Variants in SVOP observed in about 807,000 individuals in gnomAD.
SVOP encodes the protein synaptic vesicle 2-related protein.
Under a neutral mutation model 69.1 loss-of-function variants are expected in SVOP, and 17 were observed. The ratio of observed to expected loss-of-function variants is 0.25; its 90% CI spans 0.17 to 0.37. The LOEUF is 0.37. SVOP is among the 10% of genes least tolerant of loss of function. The pLI is 1.00. For missense variants in SVOP, 435 were observed against 597.5 expected (o/e 0.73, Z 2.84); for synonymous variants, 238 against 238.6 (o/e 1.00, Z 0.02).
chr12:108,966,321 T>C (rs2137426340), intron 5 of SVOP, among the ~76,000 whole-genome samples: 1 of 152,334 alleles, frequency 6.6e-6, no homozygotes, highest in South Asian at 2.1e-4. Context: ...TTTATCTCCA[T>C]GTCTTCAAGA....
Position 108,977,353 on chromosome 12 carries a change from G to GGAGCA in SVOP, c.381+40_381+44dup, listed in dbSNP as rs1450025589. 3 of 1,530,734 alleles carry GGAGCA rather than the reference G, an allele frequency of 2.0e-6. No homozygotes were observed. In the African/African-American group the frequency reaches 4.1e-5, roughly 21 times the overall value. The allele number at this position is 1,530,734 out of a possible 1,614,324, so 94.8% of individuals were successfully genotyped here. On this transcript the variant is annotated intron_variant, in intron 4 of 15. Transcript: ENST00000610966. Reference sequence around the variant, plus strand: ...GAGATATCCCACAGGACACCCCAGGGGAGCAGAACTGTATGCAACAGAAGG... The same window carrying GGAGCA: ...GAGATATCCCACAGGACACCCCAGGGGAGCAGAGCAGAACTGTATGCAACAGAAGG...
At chr12:108,982,110 AACC>A (rs1213447883) in intron 2 of SVOP, among the ~76,000 whole-genome samples, 5 of 145,518 alleles carry the variant, frequency 3.4e-5, no homozygotes, top group African/African-American at 1.3e-4. Context: ...TCACCATCGT[AACC>A]ACCATCTTCA....
At chr12:108,987,891 C>G (rs1216340318) in intron 1 of SVOP, among the ~76,000 whole-genome samples, 1 of 150,508 alleles carries the variant, frequency 6.6e-6, no homozygotes, top group East Asian at 2.0e-4. Flanking sequence ...CCTTTTTACT[C>G]TATTGATTGT....
At position 108,912,505 on chromosome 12, in the gene SVOP, T is replaced by G. The variant is rs1186356333; in HGVS notation, c.*30A>C. On this transcript the variant is annotated 3_prime_UTR_variant, in exon 16 of 16. Coordinates refer to ENST00000610966, the MANE Select transcript of SVOP (RefSeq NM_018711.5). ...TGCCAGCCCCCCAAGCTCTGCAGCC[T>G]CAAAGACCAGCTCAGTCCCCCATCG... 8.7e-6 allele frequency: 14 copies of G among 1,612,318 alleles called. No homozygotes were observed. Among genetic ancestry groups the G allele is most frequent in the South Asian group, 1.1e-5 (1 of 91,052 alleles).
At chr12:109,020,038 C>T (rs1413332088) in intron 1 of SVOP, among the ~76,000 whole-genome samples, 1 of 152,048 alleles carries the variant, frequency 6.6e-6, no homozygotes, top group Non-Finnish European at 1.5e-5. Flanking sequence ...TTTAATGCCC[C>T]CTCTCATACT....
intron 4 of SVOP, among the ~76,000 whole-genome samples, chr12:108,975,631 T>C (rs1474873506): frequency 6.6e-6 from 1 of 152,222 alleles, no homozygotes; most frequent in South Asian, 2.1e-4. Context: ...CAGTAAATTA[T>C]GGTTGTTATC....
In SVOP at chr12:109,015,769, G is replaced by A. The variant is rs960350731; in HGVS notation, c.35+5065C>T. Among the ~76,000 whole-genome samples, 5 of 152,180 alleles carry A rather than the reference G, an allele frequency of 3.3e-5. No homozygotes were observed. The East Asian group carries it at 9.6e-4, about 29-fold the overall frequency. On this transcript the variant is annotated intron_variant, in intron 1 of 15. Transcript: ENST00000610966. ...GATCACACCACTGCACTCCAGCCTGGGCAACAGAGCGAGACTCTGTCTCAA... is the reference window on the plus strand; with the variant it reads ...GATCACACCACTGCACTCCAGCCTGAGCAACAGAGCGAGACTCTGTCTCAA...
intron 6 of SVOP, among the ~76,000 whole-genome samples, chr12:108,956,781 G>A (rs766095006): frequency 5.9e-5 from 9 of 152,260 alleles, no homozygotes; most frequent in Middle Eastern, 6.8e-3. Flanking sequence ...ATGTAGAAGC[G>A]GATGTATGGC....
At position 108,959,370 on chromosome 12, in the gene SVOP, T is replaced by C. The variant is rs915648886; in HGVS notation, c.578+1553A>G. Among the ~76,000 whole-genome samples, 3 of 146,542 alleles carry C rather than the reference T, an allele frequency of 2.0e-5. 1 individual carries two copies. In the South Asian group the frequency reaches 6.5e-4, roughly 32 times the overall value. On this transcript the variant is annotated intron_variant, in intron 6 of 15. Transcript: ENST00000610966. ...TTAATTCTTTTTTTTTTTTTTTTTT[T>C]TGAGTCAGAGTCTCACTCTGTCATT...
intron 15 of SVOP, among the ~76,000 whole-genome samples, chr12:108,915,168 A>C (rs2039705869): frequency 8.5e-6 from 1 of 117,776 alleles, no homozygotes; most frequent in African/African-American, 3.1e-5. Flanking sequence ...GCGAGACTCC[A>C]TCCCAAAAAA....
intron 6 of SVOP, among the ~76,000 whole-genome samples, chr12:108,959,388 C>T (rs981246416): frequency 1.0e-4 from 14 of 136,390 alleles, no homozygotes; most frequent in Admixed American, 2.5e-4. Flanking sequence ...GAGTCTCACT[C>T]TGTCATTCAG....
chr12:109,006,014 C>T lies in SVOP; in HGVS notation c.35+14820G>A, dbSNP rs188208948. Among the ~76,000 whole-genome samples, 250 of 152,178 alleles carry T rather than the reference C, an allele frequency of 1.6e-3. 1 individual carries two copies. The highest frequency in any genetic ancestry group is 5.2e-3 in the African/African-American group (217 of 41,556). On this transcript the variant is annotated intron_variant, in intron 1 of 15. Transcript: ENST00000610966. The stretch of plus-strand genomic sequence containing the variant: ...GAAGGTCACTCAGCACATTCTCCCG[C>T]AAGAGGAGGAATCAATGGAGGAAAG...
intron 1 of SVOP, among the ~76,000 whole-genome samples, chr12:108,987,464 G>C (rs923035105): frequency 3.9e-5 from 6 of 152,190 alleles, no homozygotes; most frequent in African/African-American, 1.4e-4. Flanking sequence ...AGACCCATAA[G>C]ACGAATTACT....
At chr12:108,937,176 G>A in intron 10 of SVOP, 88 bp downstream of exon 10, 1 of 1,330,540 alleles carries the variant, frequency 7.5e-7, no homozygotes, top group Admixed American at 1.7e-5. Flanking sequence ...TGAAATCAAA[G>A]TGCTATCTGT....
intron 1 of SVOP, among the ~76,000 whole-genome samples, chr12:108,992,682 G>C (rs1002193470): frequency 6.6e-6 from 1 of 152,158 alleles, no homozygotes; most frequent in Non-Finnish European, 1.5e-5. Context: ...CTTAAATGAA[G>C]TGTCCAGAAT....
chr12:108,937,234 G>T, intron 10 of SVOP, 30 bp downstream of exon 10: 1 of 1,611,200 alleles, frequency 6.2e-7, no homozygotes, highest in Non-Finnish European at 8.5e-7. Flanking sequence ...GAGTGGAAAG[G>T]GGTCAAAGTG....
intron 11 of SVOP, 94 bp from the exon 12 acceptor site, chr12:108,922,891 A>T (rs2039758619): frequency 1.2e-6 from 1 of 844,874 alleles, no homozygotes; most frequent in Non-Finnish European, 1.9e-6. Flanking sequence ...GGGGTGATTC[A>T]GTTTAGATGC....
At chr12:109,006,921 A>G (rs1240491127) in intron 1 of SVOP, among the ~76,000 whole-genome samples, 1 of 152,188 alleles carries the variant, frequency 6.6e-6, no homozygotes, top group Non-Finnish European at 1.5e-5. Context: ...CCTGGTTAAT[A>G]CAAAAAGATG....
At chr12:108,983,871 G>A (rs1331627498) in intron 1 of SVOP, 110 bp from the exon 2 acceptor site, 3 of 397,954 alleles carry the variant, frequency 7.5e-6, no homozygotes, top group Non-Finnish European at 1.3e-5. Flanking sequence ...ATGGTTTGGA[G>A]AGTTGATGGA....
Sources: allele counts gnomAD v4.1 joint callset (sites outside exome capture counted in the v4.1 genomes callset), GRCh38; gene constraint gnomAD v4.1.1; transcripts MANE v1.5; gene names NCBI Gene and HGNC (gene_info 2026-07-23, HGNC 2026-07-21).